The following CDHR1 variants were observed in gnomAD, a reference collection of about 807,000 sequenced individuals.
CDHR1 encodes the protein cadherin related family member 1.
Under a neutral mutation model 72.1 loss-of-function variants are expected in CDHR1, and 61 were observed. The observed-to-expected ratio is 0.85, with a 90% CI of 0.69 to 1.05. CDHR1 has a LOEUF of 1.05. Among genes scored for constraint, CDHR1 ranks in the 50% least tolerant of loss-of-function variants. The probability of loss-of-function intolerance (pLI) is 0.00; values close to 1 mark genes in which losing one functional copy is unlikely to be tolerated. For synonymous variants in CDHR1, 470 were observed against 448.1 expected (o/e 1.05, Z -0.62); for missense variants, 1,186 against 1,115.7 (o/e 1.06, Z -0.90).
chr10:84,196,014 G>A (rs971135808), intron 2 of CDHR1, among the ~76,000 whole-genome samples: 5 of 152,330 alleles, frequency 3.3e-5, no homozygotes, highest in Non-Finnish European at 7.3e-5. Flanking sequence ...TGGGAACCCG[G>A]GGAAAAGGGA....
chr10:84,215,105 G>C lies in CDHR1; in HGVS notation c.*484G>C, dbSNP rs567326444. 7 of 1,032,670 alleles carry C rather than the reference G, an allele frequency of 6.8e-6. No homozygotes were observed. The South Asian group carries it at 1.8e-4, about 27-fold the overall frequency. 64.0% of individuals were successfully genotyped at this position (1,032,670 alleles called of 1,614,324 possible). A position where few individuals can be genotyped will look rare whatever the true frequency, so the allele number is the denominator to read the frequency against. ...AAAAGGAGGCTCAGCACTGTCTCAG[G>C]CTGGAGGTCAGCGAACCTCGTGGGC... is the stretch of plus-strand genomic sequence containing the variant. On this transcript the variant is annotated 3_prime_UTR_variant, in exon 17 of 17. Transcript: ENST00000623527.
downstream of CDHR1, chr10:84,219,366 C>T (rs1181308253): frequency 2.7e-6 from 4 of 1,507,266 alleles, no homozygotes; most frequent in Non-Finnish European, 3.5e-6. Context: ...ACTTCCCTAC[C>T]CACCAACATG....
Position 84,208,328 on chromosome 10 carries a change from A to C in CDHR1, c.1118A>C (p.Gln373Pro), listed in dbSNP as rs2132820771. ...CTGTCCATGAATGAGCACCCACCCC[A>C]GGGAGAGATCCTGCGGGGCCTCAAG... ...FELSMNEHPP[Q>P]GEILRGLKIT... The change falls in exon 11 of 17, where the codon CAG becomes CCG. Residue 373 changes from glutamine to proline, a missense_variant. Transcript: ENST00000623527. The C allele has an allele frequency of 6.2e-7, 1 of 1,614,098 alleles. No homozygotes were observed. Among genetic ancestry groups the C allele is most frequent in the Non-Finnish European group, 8.5e-7 (1 of 1,180,012 alleles).
chr10:84,211,869 G>A (rs1035285344), intron 14 of CDHR1, among the ~76,000 whole-genome samples, 154 bp downstream of exon 14: 1 of 152,148 alleles, frequency 6.6e-6, no homozygotes, highest in Admixed American at 6.5e-5. Flanking sequence ...TGAAGCAGAG[G>A]GTGAGGAAGT....
rs1842436740 is a variant in CDHR1 at position 84,217,042 on chromosome 10, T to G, written c.*2421T>G. ...GCCAATCTTGCAAACTGGCCATGGA[T>G]GGGGAAGTGCCCGGTAGCCAGCATG... On this transcript the variant is annotated 3_prime_UTR_variant, in exon 17 of 17. Coordinates refer to ENST00000623527, the MANE Select transcript of CDHR1 (RefSeq NM_033100.4). 3.0e-6 allele frequency: 3 copies of G among 985,466 alleles called. No homozygotes were observed. The African/African-American group carries it at 5.2e-5, about 17-fold the overall frequency. The allele number at this position is 985,466 out of a possible 1,614,324, so 61.0% of individuals were successfully genotyped here.
Position 84,208,719 on chromosome 10 carries a change from A to T in CDHR1, c.1168-10A>T, listed in dbSNP as rs1246088119. On this transcript the variant is annotated splice_polypyrimidine_tract_variant and intron_variant, in intron 11 of 16. Transcript: ENST00000623527. ...TCATCTTCCTTGTTTCCACTCTCCA[A>T]ATTCTCTAGGGAGCCAATGCCAAAT... 5 of 1,613,488 alleles carry T rather than the reference A, an allele frequency of 3.1e-6. No individual in the cohort carries two copies. Among genetic ancestry groups the T allele is most frequent in the African/African-American group, 1.3e-5 (1 of 74,872 alleles).
chr10:84,205,514 T>TCACACACACACAAACACACACACA (rs1842207870), intron 9 of CDHR1, among the ~76,000 whole-genome samples: 1 of 145,004 alleles, frequency 6.9e-6, no homozygotes, highest in Non-Finnish European at 1.5e-5. Flanking sequence ...TCTCTTTTCT[T>TCACACACACACAAACACACACACA]CACACACACA....
In CDHR1 at chr10:84,214,644, C is replaced by T. The variant is rs763354309; in HGVS notation, c.*23C>T. On this transcript the variant is annotated 3_prime_UTR_variant, in exon 17 of 17. Coordinates refer to ENST00000623527, the MANE Select transcript of CDHR1 (RefSeq NM_033100.4). ...TAGTGTATGCCCTATGACCCCCCAT[C>T]TTTCCTCCGCCCCTGACCCCCACCA... 7 of 1,599,228 alleles carry T rather than the reference C, an allele frequency of 4.4e-6. No individual in the cohort carries two copies. The African/African-American group carries it at 9.3e-5, about 21-fold the overall frequency.
intron 5 of CDHR1, 63 bp downstream of exon 5, chr10:84,199,184 C>T: frequency 7.2e-7 from 1 of 1,392,124 alleles, no homozygotes; most frequent in Non-Finnish European, 1.0e-6. Context: ...ACCCCTGGGG[C>T]TGCCCTGTGG....
intron 16 of CDHR1, among the ~76,000 whole-genome samples, chr10:84,213,579 C>T (rs1281190909): frequency 1.3e-5 from 2 of 152,176 alleles, no homozygotes; most frequent in East Asian, 3.9e-4. Flanking sequence ...GTTACCTTTC[C>T]TGTAAGATGG....
intron 2 of CDHR1, among the ~76,000 whole-genome samples, chr10:84,195,958 G>T (rs752847547): frequency 2.6e-5 from 4 of 152,232 alleles, no homozygotes; most frequent in African/African-American, 4.8e-5. Context: ...GAGAGGGGAG[G>T]AGAAAGGGGA....
chr10:84,200,562 A>T, intron 5 of CDHR1, 39 bp from the exon 6 acceptor site: 1 of 1,442,790 alleles, frequency 6.9e-7, no homozygotes, highest in Non-Finnish European at 9.7e-7. Context: ...GAATGCTGTC[A>T]CTGTCTCTGA....
At chr10:84,210,604 T>C (rs1427901542) in intron 12 of CDHR1, among the ~76,000 whole-genome samples, 1 of 152,178 alleles carries the variant, frequency 6.6e-6, no homozygotes, top group African/African-American at 2.4e-5. Flanking sequence ...AAAAAAAGAA[T>C]TTAATGCCCC....
chr10:84,217,428 C>T lies in CDHR1; in HGVS notation c.*2807C>T. Reference sequence around the variant, plus strand: ...CAGATCTTCCAATCACGTGAAATAACAAAGTCCTTTACAGTTTGACAGCCC... The same window carrying T: ...CAGATCTTCCAATCACGTGAAATAATAAAGTCCTTTACAGTTTGACAGCCC... On this transcript the variant is annotated 3_prime_UTR_variant, in exon 17 of 17. Transcript: ENST00000623527. The T allele has an allele frequency of 2.0e-6, 2 of 985,408 alleles. No homozygotes were observed. Among genetic ancestry groups the T allele is most frequent in the Non-Finnish European group, 2.4e-6 (2 of 829,878 alleles). 61.0% of individuals were successfully genotyped at this position (985,408 alleles called of 1,614,324 possible). A position where few individuals can be genotyped will look rare whatever the true frequency, so the allele number is the denominator to read the frequency against.
chr10:84,217,013 C>T lies in CDHR1; in HGVS notation c.*2392C>T, dbSNP rs1015486106. 20 of 985,478 alleles carry T rather than the reference C, an allele frequency of 2.0e-5. No homozygotes were observed. Among genetic ancestry groups the T allele is most frequent in the Non-Finnish European group, 2.3e-5 (19 of 830,046 alleles). 61.0% of individuals were successfully genotyped at this position (985,478 alleles called of 1,614,324 possible). A position where few individuals can be genotyped will look rare whatever the true frequency, so the allele number is the denominator to read the frequency against. On this transcript the variant is annotated 3_prime_UTR_variant, in exon 17 of 17. Transcript: ENST00000623527. ...ACAACCCCAGGAACTTGGACCAAGG[C>T]AGAGCCAATCTTGCAAACTGGCCAT...
In CDHR1 at chr10:84,212,385, T is replaced by C; in HGVS notation, c.1760T>C (p.Leu587Pro). 1 of 1,614,172 alleles carries C rather than the reference T, an allele frequency of 6.2e-7. No homozygotes were observed. ...AGCGTTCAGAAGAAGACGATGGTGC[T>C]AGGGACCCCAGTGAAAATTGAGGTA... is the stretch of plus-strand genomic sequence containing the variant. ...GKSVQKKTMV[L>P]GTPVKIEAID... Residue 587 changes from leucine (L) to proline (P), a missense_variant, in exon 15 of 17, where the codon CTA (leucine) becomes CCA (proline). By Grantham distance (98) the Leu-to-Pro change is moderately conservative. Coordinates refer to ENST00000623527, the MANE Select transcript of CDHR1 (RefSeq NM_033100.4).
chr10:84,196,880 G>A (rs545985433), intron 3 of CDHR1, among the ~76,000 whole-genome samples: 4 of 152,252 alleles, frequency 2.6e-5, no homozygotes, highest in South Asian at 2.1e-4. Context: ...CTCCTTTAAC[G>A]AGCACCTGCC....
chr10:84,219,257 G>C, downstream of CDHR1: 1 of 1,550,406 alleles, frequency 6.4e-7, no homozygotes, highest in Non-Finnish European at 8.7e-7. Context: ...GTTTTTCAAG[G>C]GGCAGCCCAA....
intron 13 of CDHR1, 83 bp downstream of exon 13, chr10:84,211,248 A>G: frequency 6.9e-7 from 1 of 1,453,958 alleles, no homozygotes; most frequent in African/African-American, 1.4e-5. Flanking sequence ...TTGCAGTTTG[A>G]GTGGCAGAAC....
Sources: gnomAD v4.1 joint callset for allele counts (sites outside exome capture counted in the v4.1 genomes callset) on GRCh38, gnomAD v4.1.1 for gene constraint, MANE v1.5 for transcripts, NCBI Gene and HGNC (gene_info 2026-07-23, HGNC 2026-07-21) for gene names.